The following GRM5 variants were observed in gnomAD, a reference collection of about 807,000 sequenced individuals.
The protein encoded by GRM5 is metabotropic glutamate receptor 5.
Under a neutral mutation model 83.1 loss-of-function variants are expected in GRM5, and 19 were observed. That is an observed-to-expected ratio of 0.23 (90% CI 0.16 to 0.34). The LOEUF is 0.34. Ranked by LOEUF, GRM5 falls within the 10% of genes least tolerant of loss-of-function variation. The pLI, the probability that GRM5 is intolerant of heterozygous loss-of-function variation, is 1.00. For missense variants in GRM5, 1,160 were observed against 1,588.3 expected (o/e 0.73, Z 4.58); for synonymous variants, 675 against 633.6 (o/e 1.07, Z -0.98).
chr11:88,638,341 G>A (rs1487958791), intron 4 of GRM5, among the ~76,000 whole-genome samples: 3 of 151,970 alleles, frequency 2.0e-5, no homozygotes, highest in African/African-American at 7.3e-5. Flanking sequence ...TATTAGATTT[G>A]ATTTAAAAAA....
chr11:88,694,446 G>C (rs1003723520), intron 3 of GRM5, among the ~76,000 whole-genome samples: 4 of 152,136 alleles, frequency 2.6e-5, no homozygotes, highest in Non-Finnish European at 5.9e-5. Flanking sequence ...ATGTGACAAA[G>C]TGTAAGTGAT....
At chr11:88,612,478 T>C (rs1228478385) in intron 4 of GRM5, among the ~76,000 whole-genome samples, 1 of 152,162 alleles carries the variant, frequency 6.6e-6, no homozygotes, top group Non-Finnish European at 1.5e-5. Flanking sequence ...TTTGGGTATA[T>C]ACCCAGTAAT....
chr11:88,516,200 C>G (rs1295938553), intron 9 of GRM5, among the ~76,000 whole-genome samples: 1 of 152,106 alleles, frequency 6.6e-6, no homozygotes, highest in Non-Finnish European at 1.5e-5. Context: ...TTGATATTGA[C>G]AGGTATTATT....
intron 3 of GRM5, among the ~76,000 whole-genome samples, chr11:88,703,642 T>C (rs1941087845): frequency 6.6e-6 from 1 of 152,050 alleles, no homozygotes; most frequent in African/African-American, 2.4e-5. Flanking sequence ...GCGGTTACCC[T>C]CACGATATTC....
intron 2 of GRM5, among the ~76,000 whole-genome samples, chr11:88,967,250 T>TATATATATATATATATATATACAC (rs1939009933): frequency 0.013 from 27 of 2,084 alleles, no homozygotes; most frequent in Admixed American, 0.056. Context: ...TATATACACA[T>TATATATATATATATATATATACAC]ATATATATAT....
intron 1 of GRM5, among the ~76,000 whole-genome samples, chr11:89,064,902 G>A (rs1942066339): frequency 1.3e-5 from 1 of 78,284 alleles, no homozygotes. Flanking sequence ...GTGTGTGTGT[G>A]TGTGTGTGTG....
At chr11:88,719,204 C>G (rs1044521797) in intron 3 of GRM5, among the ~76,000 whole-genome samples, 2 of 151,822 alleles carry the variant, frequency 1.3e-5, no homozygotes, top group Admixed American at 6.6e-5. Flanking sequence ...TTTTACTAAC[C>G]CTCTACCTCC....
chr11:88,552,871 A>G (rs1172913574), intron 8 of GRM5, among the ~76,000 whole-genome samples: 1 of 152,158 alleles, frequency 6.6e-6, no homozygotes, highest in South Asian at 2.1e-4. Flanking sequence ...AGTGAATGCA[A>G]TTAAACAAAA....
At chr11:88,955,169 A>G (rs1938570993) in intron 2 of GRM5, among the ~76,000 whole-genome samples, 1 of 152,214 alleles carries the variant, frequency 6.6e-6, no homozygotes, top group Non-Finnish European at 1.5e-5. Flanking sequence ...TAAGGTGAGT[A>G]ACTTGTTCAG....
chr11:88,740,362 G>A (rs1942001246), intron 3 of GRM5, among the ~76,000 whole-genome samples: 1 of 151,640 alleles, frequency 6.6e-6, no homozygotes, highest in Non-Finnish European at 1.5e-5. Flanking sequence ...TCTTATTATT[G>A]ACTCATGGAT....
rs190898466 is a variant in GRM5, at chr11:88,772,094, G to T, written c.911+77812C>A. Among the ~76,000 whole-genome samples, 128 of 151,776 alleles carry T rather than the reference G, an allele frequency of 8.4e-4. 1 individual carries two copies. The highest frequency in any genetic ancestry group is 7.4e-3 in the Admixed American group (113 of 15,218). ...ATATTCCACTGTTTATTCACCCATT[G>T]AAGGACATTTTGTTTTGTTTTACTT... On this transcript the variant is annotated intron_variant, in intron 3 of 9. Transcript: ENST00000305447.
At chr11:88,637,834 T>A (rs1419980686) in intron 4 of GRM5, among the ~76,000 whole-genome samples, 7 of 149,094 alleles carry the variant, frequency 4.7e-5, no homozygotes, top group Non-Finnish European at 9.0e-5. Context: ...TAAATCATGC[T>A]GCTATAAAGA....
At position 88,635,245 on chromosome 11, in the gene GRM5, C is replaced by T. The variant is rs111419918; in HGVS notation, c.1147+17923G>A. On this transcript the variant is annotated intron_variant, in intron 4 of 9. Coordinates refer to ENST00000305447, the MANE Select transcript of GRM5 (RefSeq NM_001143831.3). ...TATTTTTAATATTTTTAGGAAACTC[C>T]ATCCTATTTTCCATAATGGTTGTAA... 2.6e-3 allele frequency among the ~76,000 whole-genome samples: 397 copies of T among 152,150 alleles called. 3 individuals are homozygous for T. Among genetic ancestry groups the T allele is most frequent in the African/African-American group, 9.0e-3 (374 of 41,512 alleles).
chr11:88,980,353 T>C (rs933146444), intron 2 of GRM5, among the ~76,000 whole-genome samples: 2 of 152,190 alleles, frequency 1.3e-5, no homozygotes, highest in African/African-American at 4.8e-5. Flanking sequence ...CCTAAGTGAA[T>C]GTGGTTTCTG....
chr11:88,711,186 C>A (rs1366640601), intron 3 of GRM5, among the ~76,000 whole-genome samples: 1 of 152,018 alleles, frequency 6.6e-6, no homozygotes, highest in African/African-American at 2.4e-5. Context: ...AAGAAGGGCT[C>A]TGACAGCAGA....
At chr11:88,741,177 G>C (rs949335468) in intron 3 of GRM5, among the ~76,000 whole-genome samples, 2 of 152,032 alleles carry the variant, frequency 1.3e-5, no homozygotes, top group Admixed American at 1.3e-4. Context: ...AAATATCAGC[G>C]TGGCTAGTCA....
chr11:88,804,677 AAAGTAT>A (rs1333835413), intron 3 of GRM5, among the ~76,000 whole-genome samples: 1 of 152,110 alleles, frequency 6.6e-6, no homozygotes, highest in Non-Finnish European at 1.5e-5. Flanking sequence ...CCTAAAACTT[AAAGTAT>A]AATAATAATA....
intron 3 of GRM5, among the ~76,000 whole-genome samples, chr11:88,835,308 T>C: frequency 6.6e-6 from 1 of 152,178 alleles, no homozygotes; most frequent in East Asian, 1.9e-4. Flanking sequence ...GCTAGATATG[T>C]TCAGAGAATT....
chr11:88,528,790 C>G (rs1296640508), intron 8 of GRM5, among the ~76,000 whole-genome samples: 4 of 151,956 alleles, frequency 2.6e-5, no homozygotes, highest in African/African-American at 9.7e-5. Flanking sequence ...TTGCTGTACA[C>G]TATTGTAAAT....
Sources: gnomAD v4.1 joint callset for allele counts (sites outside exome capture counted in the v4.1 genomes callset) on GRCh38, gnomAD v4.1.1 for gene constraint, MANE v1.5 for transcripts, NCBI Gene and HGNC (gene_info 2026-07-23, HGNC 2026-07-21) for gene names.